The following PARG variants were observed in gnomAD, a reference collection of about 807,000 sequenced individuals.
PARG encodes poly(ADP-ribose) glycohydrolase.
PARG carries 35 observed loss-of-function variants against 113.0 expected under a neutral mutation model. The ratio of observed to expected loss-of-function variants is 0.31; its 90% CI spans 0.24 to 0.41. The LOEUF is 0.41. Ranked by LOEUF, PARG falls within the 10% of genes least tolerant of loss-of-function variation. The pLI, the probability that PARG is intolerant of heterozygous loss-of-function variation, is 1.00. For missense variants in PARG, 797 were observed against 1,169.4 expected (o/e 0.68, Z 4.64); for synonymous variants, 330 against 409.9 (o/e 0.81, Z 2.36).
intron 12 of PARG, 69 bp from the exon 13 acceptor site, chr10:49,857,522 G>C: frequency 1.1e-6 from 1 of 913,720 alleles, no homozygotes; most frequent in South Asian, 1.7e-5. Flanking sequence ...GAAGCACATA[G>C]TCTCTAAGCT....
chr10:49,885,756 C>T (rs1372520316), intron 7 of PARG, among the ~76,000 whole-genome samples: 2 of 152,144 alleles, frequency 1.3e-5, no homozygotes, highest in Non-Finnish European at 2.9e-5. Flanking sequence ...GACTTCAGAG[C>T]ATACTCTATG....
chr10:49,895,543 A>G (rs1378652540), intron 7 of PARG, among the ~76,000 whole-genome samples: 1 of 151,888 alleles, frequency 6.6e-6, no homozygotes, highest in Non-Finnish European at 1.5e-5. Context: ...AGCTGGGAGT[A>G]TATGTGCCCG....
chr10:49,862,842 T>C lies in PARG; in HGVS notation c.2130-1179A>G, dbSNP rs547221726. ...GTAAGTTTGATATATTTTTTTAACT[T>C]CCTTTTTTTGGTCCTACTTTCCTAG... is the stretch of plus-strand genomic sequence containing the variant. On this transcript the variant is annotated intron_variant, in intron 11 of 17. Coordinates refer to ENST00000616448, the MANE Select transcript of PARG (RefSeq NM_003631.5). Among the ~76,000 whole-genome samples the C allele has an allele frequency of 5.6e-4, 85 of 151,916 alleles. 2 individuals carry two copies. The East Asian group carries it at 0.016, about 28-fold the overall frequency.
intron 7 of PARG, among the ~76,000 whole-genome samples, chr10:49,906,062 T>C (rs1337487900): frequency 6.7e-6 from 1 of 149,016 alleles, no homozygotes; most frequent in Non-Finnish European, 1.5e-5. Flanking sequence ...GAAGAGGGAA[T>C]ATAACCAGAT....
At chr10:49,838,366 G>A (rs1242330806) in intron 15 of PARG, among the ~76,000 whole-genome samples, 3 of 149,400 alleles carry the variant, frequency 2.0e-5, no homozygotes, top group Non-Finnish European at 4.4e-5. Context: ...GGGAGGTGGA[G>A]GTTGCAATGA....
chr10:49,832,680 A>G, intron 16 of PARG, 123 bp downstream of exon 16: 1 of 570,608 alleles, frequency 1.8e-6, no homozygotes, highest in East Asian at 3.1e-5. Flanking sequence ...ATAGTGTTAA[A>G]TATTCCTTTT....
chr10:49,843,532 C>T (rs1845348261), intron 14 of PARG, 22 bp downstream of exon 14: 1 of 1,498,218 alleles, frequency 6.7e-7, no homozygotes, highest in Non-Finnish European at 9.1e-7. Flanking sequence ...CCATGGAATA[C>T]TGAAGACAGA....
At chr10:49,866,860 C>T (rs1846538476) in intron 10 of PARG, among the ~76,000 whole-genome samples, 1 of 152,102 alleles carries the variant, frequency 6.6e-6, no homozygotes, top group Non-Finnish European at 1.5e-5. Context: ...CTATAAGACA[C>T]TTTATCTAAA....
chr10:49,853,542 C>T (rs1316969316), intron 13 of PARG, among the ~76,000 whole-genome samples: 1 of 152,160 alleles, frequency 6.6e-6, no homozygotes, highest in African/African-American at 2.4e-5. Context: ...ATACTTCCCA[C>T]GTGCATCCAT....
intron 7 of PARG, among the ~76,000 whole-genome samples, chr10:49,906,825 G>A (rs1230652649): frequency 6.6e-6 from 1 of 152,164 alleles, no homozygotes; most frequent in Non-Finnish European, 1.5e-5. Context: ...AGGTGAGTCT[G>A]GGATGAGACA....
At chr10:49,869,609 T>G (rs1846695045) in intron 9 of PARG, 54 bp from the exon 10 acceptor site, 1 of 712,698 alleles carries the variant, frequency 1.4e-6, no homozygotes, top group African/African-American at 1.8e-5. Flanking sequence ...GCCTTAATGA[T>G]TCACAAAACT....
intron 6 of PARG, among the ~76,000 whole-genome samples, chr10:49,920,465 T>TAAAAAAA (rs1837755629): frequency 1.7e-5 from 1 of 57,346 alleles, no homozygotes; most frequent in Non-Finnish European, 3.7e-5. Context: ...AAAAAAAAAA[T>TAAAAAAA]ATATATATAT....
At chr10:49,866,425 C>T (rs1846517051) in intron 10 of PARG, among the ~76,000 whole-genome samples, 1 of 151,906 alleles carries the variant, frequency 6.6e-6, no homozygotes, top group African/African-American at 2.4e-5. Context: ...CAGTAGAAAA[C>T]AAATTTTTTT....
intron 16 of PARG, among the ~76,000 whole-genome samples, chr10:49,828,096 A>AC (rs1844455140): frequency 7.1e-6 from 1 of 140,554 alleles, no homozygotes; most frequent in Non-Finnish European, 1.5e-5. Flanking sequence ...CTTAAACAAA[A>AC]AAAAAAAAAA....
intron 7 of PARG, among the ~76,000 whole-genome samples, chr10:49,893,071 T>C (rs1214078777): frequency 1.3e-5 from 2 of 152,184 alleles, no homozygotes; most frequent in African/African-American, 2.4e-5. Flanking sequence ...TGTGCATATA[T>C]TTTCATATCT....
intron 4 of PARG, among the ~76,000 whole-genome samples, chr10:49,931,501 T>G (rs1419299069): frequency 6.6e-6 from 1 of 151,926 alleles, no homozygotes; most frequent in Admixed American, 6.6e-5. Context: ...GCTCATCTGA[T>G]CTTGTCCCCA....
At chr10:49,921,427 T>G (rs1372812492) in intron 6 of PARG, among the ~76,000 whole-genome samples, 2 of 152,136 alleles carry the variant, frequency 1.3e-5, no homozygotes, top group East Asian at 3.8e-4. Flanking sequence ...TTTTCTTTTC[T>G]TTTTTTAAAA....
At chr10:49,919,413 A>C (rs1347169915) in intron 6 of PARG, among the ~76,000 whole-genome samples, 7 of 152,226 alleles carry the variant, frequency 4.6e-5, no homozygotes, top group Non-Finnish European at 7.3e-5. Flanking sequence ...TTAGAGAACA[A>C]TGGCCAAATA....
chr10:49,892,780 A>C (rs1345141790), intron 7 of PARG, among the ~76,000 whole-genome samples: 8 of 152,178 alleles, frequency 5.3e-5, no homozygotes, highest in Non-Finnish European at 7.3e-5. Context: ...TTCAGTTTGC[A>C]GATCAGCAAC....
Sources: allele counts gnomAD v4.1 joint callset (sites outside exome capture counted in the v4.1 genomes callset), GRCh38; gene constraint gnomAD v4.1.1; transcripts MANE v1.5; gene names NCBI Gene and HGNC (gene_info 2026-07-23, HGNC 2026-07-21).